Variants in MRPS27 observed in about 807,000 individuals in gnomAD.
MRPS27 encodes the protein small ribosomal subunit protein mS27.
In MRPS27, 43 loss-of-function variants were observed where a neutral mutation model predicts 48.9. That is an observed-to-expected ratio of 0.88 (90% CI 0.69 to 1.13). The LOEUF is 1.13. Ranked by LOEUF, MRPS27 falls within the 50% of genes most tolerant of loss-of-function variation. The pLI is 0.00. For synonymous variants in MRPS27, 188 were observed against 171.9 expected (o/e 1.09, Z -0.73); for missense variants, 467 against 476.3 (o/e 0.98, Z 0.18).
At chr5:72,310,431 C>A (rs1358044520) in intron 2 of MRPS27, among the ~76,000 whole-genome samples, 1 of 152,104 alleles carries the variant, frequency 6.6e-6, no homozygotes, top group East Asian at 1.9e-4. Context: ...TGGAAGCCAG[C>A]TTGAAAGGGC....
intron 4 of MRPS27, among the ~76,000 whole-genome samples, chr5:72,257,349 A>G (rs952357054): frequency 1.3e-5 from 2 of 152,178 alleles, no homozygotes; most frequent in African/African-American, 4.8e-5. Context: ...ACAAGTGCTC[A>G]GATTATTTTT....
intron 4 of MRPS27, among the ~76,000 whole-genome samples, chr5:72,261,497 G>A (rs959005355): frequency 6.7e-6 from 1 of 150,018 alleles, no homozygotes; most frequent in Non-Finnish European, 1.5e-5. Flanking sequence ...AAAAACCCCA[G>A]TTGCTATAGA....
chr5:72,221,632 C>G (rs570071482), intron 10 of MRPS27, among the ~76,000 whole-genome samples: 1 of 152,346 alleles, frequency 6.6e-6, no homozygotes, highest in African/African-American at 2.4e-5. Flanking sequence ...GCAGAGGCAT[C>G]TGATAACTGG....
chr5:72,253,278 T>C (rs1402627310), intron 4 of MRPS27, among the ~76,000 whole-genome samples: 1 of 152,242 alleles, frequency 6.6e-6, no homozygotes. Context: ...TACCCTTTAC[T>C]GTCATATCTA....
intron 1 of MRPS27, among the ~76,000 whole-genome samples, chr5:72,317,541 C>T (rs1750596664): frequency 6.6e-6 from 1 of 151,898 alleles, no homozygotes; most frequent in Non-Finnish European, 1.5e-5. Flanking sequence ...CGCCACCACG[C>T]CTAATTTTGT....
intron 8 of MRPS27, chr5:72,228,023 A>G: frequency 1.9e-6 from 1 of 530,404 alleles, no homozygotes; most frequent in Non-Finnish European, 3.3e-6. Context: ...TTACCACTGA[A>G]TATTATTACC....
intron 4 of MRPS27, among the ~76,000 whole-genome samples, chr5:72,266,343 A>G (rs986783949): frequency 1.1e-4 from 17 of 152,124 alleles, no homozygotes; most frequent in African/African-American, 4.1e-4. Flanking sequence ...ACCTCCCCCA[A>G]GGATTGCTAG....
intron 6 of MRPS27, 50 bp from the exon 7 acceptor site, chr5:72,232,608 T>C: frequency 1.6e-6 from 2 of 1,262,430 alleles, no homozygotes; most frequent in South Asian, 1.2e-5. Context: ...GTAGGTAATA[T>C]TACTAAATCT....
rs536526807 is a variant in MRPS27 at position 72,285,527 on chromosome 5, G to T, written c.281+10004C>A. Among the ~76,000 whole-genome samples the T allele has an allele frequency of 7.2e-5, 11 of 152,240 alleles. No individual in the cohort carries two copies. In the South Asian group the frequency reaches 2.3e-3, roughly 32 times the overall value. On this transcript the variant is annotated intron_variant, in intron 4 of 10. Coordinates refer to ENST00000261413, the MANE Select transcript of MRPS27 (RefSeq NM_015084.3). The stretch of plus-strand genomic sequence containing the variant: ...ATAATCTTTTTTTGGGAGGGGGACA[G>T]GGTCTTGCTCTAGTACTCAGGCTGG...
chr5:72,292,096 C>T (rs1404058623), intron 4 of MRPS27, among the ~76,000 whole-genome samples: 1 of 152,018 alleles, frequency 6.6e-6, no homozygotes, highest in African/African-American at 2.4e-5. Flanking sequence ...CACAGCCCAA[C>T]AGTATGCCTT....
At chr5:72,278,621 G>C (rs1749448579) in intron 4 of MRPS27, among the ~76,000 whole-genome samples, 1 of 151,722 alleles carries the variant, frequency 6.6e-6, no homozygotes, top group South Asian at 2.1e-4. Flanking sequence ...ACCATTTTTG[G>C]GCATGTTTTT....
chr5:72,220,724 A>G lies in MRPS27; in HGVS notation c.*185T>C. On this transcript the variant is annotated 3_prime_UTR_variant, in exon 11 of 11. Coordinates refer to ENST00000261413, the MANE Select transcript of MRPS27 (RefSeq NM_015084.3). ...CAGTCTGACCACTAGCCACCTGCAT[A>G]GTTCCATAGCCCTTCTTGGCATCTC... The G allele has an allele frequency of 3.6e-6, 3 of 825,414 alleles. No individual in the cohort carries two copies. In the South Asian group the frequency reaches 5.4e-5, roughly 15 times the overall value. 51.1% of individuals were successfully genotyped at this position (825,414 alleles called of 1,614,324 possible).
At chr5:72,264,947 C>G (rs961505790) in intron 4 of MRPS27, among the ~76,000 whole-genome samples, 1 of 152,078 alleles carries the variant, frequency 6.6e-6, no homozygotes, top group Non-Finnish European at 1.5e-5. Flanking sequence ...GAAGTATGAG[C>G]GGTATGTGGA....
At position 72,220,026 on chromosome 5, in the gene MRPS27, A is replaced by C. The variant is rs540103206; in HGVS notation, c.*883T>G. 4 of 152,704 alleles carry C rather than the reference A, an allele frequency of 2.6e-5. No homozygotes were observed. In the South Asian group the frequency reaches 8.3e-4, roughly 32 times the overall value. The allele number at this position is 152,704 out of a possible 1,614,324, so 9.5% of individuals were successfully genotyped here. Reference sequence around the variant, plus strand: ...CCAGTGAGTTCATGGCCTTGAGTTCACTCCTGTCCTGAATTTCTCCCAGTG... The same window carrying C: ...CCAGTGAGTTCATGGCCTTGAGTTCCCTCCTGTCCTGAATTTCTCCCAGTG... On this transcript the variant is annotated 3_prime_UTR_variant, in exon 11 of 11. Coordinates refer to ENST00000261413, the MANE Select transcript of MRPS27 (RefSeq NM_015084.3).
chr5:72,242,720 T>C (rs1010722024), intron 4 of MRPS27, among the ~76,000 whole-genome samples: 18 of 139,752 alleles, frequency 1.3e-4, no homozygotes, highest in African/African-American at 4.0e-4. Context: ...ACGGCACTCA[T>C]AGCACACATA....
intron 2 of MRPS27, among the ~76,000 whole-genome samples, chr5:72,312,226 A>G (rs181383260): frequency 1.3e-5 from 2 of 152,324 alleles, no homozygotes; most frequent in Admixed American, 1.3e-4. Flanking sequence ...TATACCATCA[A>G]AAACAACCTG....
intron 8 of MRPS27, 152 bp from the exon 9 acceptor site, chr5:72,226,351 C>A: frequency 1.3e-6 from 1 of 796,056 alleles, no homozygotes; most frequent in Non-Finnish European, 2.0e-6. Flanking sequence ...TCATCTCATT[C>A]GGTGACACTT....
intron 7 of MRPS27, among the ~76,000 whole-genome samples, chr5:72,230,209 C>T (rs1306953622): frequency 6.6e-6 from 1 of 152,144 alleles, no homozygotes; most frequent in Non-Finnish European, 1.5e-5. Context: ...CCTTTAATTT[C>T]TATTGTAGAC....
chr5:72,256,255 T>C (rs1458614470), intron 4 of MRPS27, among the ~76,000 whole-genome samples: 1 of 152,260 alleles, frequency 6.6e-6, no homozygotes, highest in East Asian at 1.9e-4. Flanking sequence ...CCTACAGGCT[T>C]ATGCAGAAAT....
Sources: allele counts gnomAD v4.1 joint callset (sites outside exome capture counted in the v4.1 genomes callset), GRCh38; gene constraint gnomAD v4.1.1; transcripts MANE v1.5; gene names NCBI Gene and HGNC (gene_info 2026-07-23, HGNC 2026-07-21).